The following FRMD3 variants were observed in gnomAD, a reference collection of about 807,000 sequenced individuals.
FRMD3 encodes FERM domain containing 3, also known as FERM domain-containing protein 3.
Under a neutral mutation model 70.2 loss-of-function variants are expected in FRMD3, and 33 were observed. That is an observed-to-expected ratio of 0.47 (90% confidence interval 0.36 to 0.63). The LOEUF is 0.63. Among genes scored for constraint, FRMD3 ranks in the 20% least tolerant of loss-of-function variants. FRMD3 has a pLI of 0.00. For missense variants in FRMD3, 632 were observed against 711.4 expected, an observed-to-expected ratio of 0.89 and a Z score of 1.27; for synonymous variants, 279 against 255.9, an observed-to-expected ratio of 1.09 and a Z score of -0.86.
At chr9:83,519,897 A>G (rs1829533628) in intron 1 of FRMD3, among the ~76,000 whole-genome samples, 1 of 152,218 alleles carries the variant, frequency 6.6e-6, no homozygotes, top group South Asian at 2.1e-4. Flanking sequence ...ACACGAACAG[A>G]AAACCAAACA....
At chr9:83,403,254 T>C (rs3933281) in intron 1 of FRMD3, among the ~76,000 whole-genome samples, 135,438 of 152,104 alleles carry the variant, frequency 0.89, 60,502 homozygotes, top group East Asian at 1. Context: ...GCCAAACCCA[T>C]AAGGCACTAT....
intron 1 of FRMD3, among the ~76,000 whole-genome samples, chr9:83,391,999 T>C (rs1825678208): frequency 6.6e-6 from 1 of 152,094 alleles, no homozygotes; most frequent in African/African-American, 2.4e-5. Context: ...ACATTGAAGT[T>C]TGAGAAGCAT....
chr9:83,575,516 T>C, the FRMD3 span, among the ~76,000 whole-genome samples: 13 of 152,268 alleles, frequency 8.5e-5, no homozygotes, highest in South Asian at 2.1e-3. Context: ...GAAGCCCAGC[T>C]CACTCCTTAT....
intron 13 of FRMD3, among the ~76,000 whole-genome samples, chr9:83,270,724 G>T (rs980874961): frequency 6.6e-6 from 1 of 152,138 alleles, no homozygotes; most frequent in Non-Finnish European, 1.5e-5. Flanking sequence ...AAAGCAGTGT[G>T]TACCTCCAAG....
At chr9:83,377,411 G>A (rs1825183536) in intron 2 of FRMD3, among the ~76,000 whole-genome samples, 1 of 152,118 alleles carries the variant, frequency 6.6e-6, no homozygotes, top group South Asian at 2.1e-4. Context: ...TTTTTTACAT[G>A]TACTGGTGCA....
rs1055287606 is a variant in FRMD3, at chr9:83,490,290, A to T, written c.147+47795T>A. On this transcript the variant is annotated intron_variant, in intron 1 of 13. Transcript: ENST00000304195. ...TTGTAGTCCTACATTCTTTCTTTTT[A>T]AAAATTTTTTATTTTTGGGGACAGA... 1.2e-4 allele frequency among the ~76,000 whole-genome samples: 19 copies of T among 152,184 alleles called. No homozygotes were observed. The East Asian group carries it at 3.3e-3, about 26-fold the overall frequency.
At chr9:83,453,711 ATTTTTTT>A (rs59376142) in intron 1 of FRMD3, among the ~76,000 whole-genome samples, 2 of 115,096 alleles carry the variant, frequency 1.7e-5, no homozygotes, top group Non-Finnish European at 3.4e-5. Flanking sequence ...GTTTGTTTTA[ATTTTTTT>A]TTTTTTTTTT....
At chr9:83,279,206 T>C (rs1465878423) in intron 13 of FRMD3, 2 of 152,222 alleles carry the variant, frequency 1.3e-5, no homozygotes, top group Non-Finnish European at 2.9e-5. Flanking sequence ...TATGAGGATT[T>C]TGAAAGTTCC....
At chr9:83,477,218 C>T (rs12343646) in intron 1 of FRMD3, among the ~76,000 whole-genome samples, 106,791 of 152,034 alleles carry the variant, frequency 0.7, 38,011 homozygotes, top group African/African-American at 0.81. Flanking sequence ...AAGCACCGGC[C>T]CAGTGTAGGA....
At chr9:83,368,117 C>A (rs1824848205) in intron 3 of FRMD3, among the ~76,000 whole-genome samples, 1 of 152,102 alleles carries the variant, frequency 6.6e-6, no homozygotes, top group African/African-American at 2.4e-5. Flanking sequence ...ACTATACTGG[C>A]ATGAAACAGA....
intron 1 of FRMD3, among the ~76,000 whole-genome samples, chr9:83,426,495 C>G (rs184689208): frequency 9.2e-5 from 14 of 152,222 alleles, no homozygotes; most frequent in Admixed American, 4.6e-4. Context: ...AGGTGATGCA[C>G]GCTCTGTGTC....
intron 1 of FRMD3, among the ~76,000 whole-genome samples, chr9:83,509,785 GC>G (rs1417514610): frequency 6.7e-6 from 1 of 149,864 alleles, no homozygotes; most frequent in Non-Finnish European, 1.5e-5. Context: ...GCACACGCGC[GC>G]GCACACACAC....
chr9:83,553,282 G>T, the FRMD3 span, among the ~76,000 whole-genome samples: 1 of 152,134 alleles, frequency 6.6e-6, no homozygotes, highest in Non-Finnish European at 1.5e-5. Flanking sequence ...TTTTCTTTAA[G>T]AATGTTGAAT....
chr9:83,363,615 G>A (rs892599518), intron 3 of FRMD3, among the ~76,000 whole-genome samples: 1 of 147,960 alleles, frequency 6.8e-6, no homozygotes, highest in Non-Finnish European at 1.5e-5. Flanking sequence ...GTGCAGTGGC[G>A]CGATCTTGGC....
At chr9:83,376,766 T>C (rs1173475536) in intron 2 of FRMD3, among the ~76,000 whole-genome samples, 1 of 152,064 alleles carries the variant, frequency 6.6e-6, no homozygotes, top group Non-Finnish European at 1.5e-5. Context: ...TGATATTATA[T>C]GTATATATGG....
intron 1 of FRMD3, among the ~76,000 whole-genome samples, chr9:83,407,381 T>C (rs751217564): frequency 2.6e-5 from 4 of 152,320 alleles, no homozygotes; most frequent in Admixed American, 2.0e-4. Context: ...AATGGTGGAA[T>C]TGCATACTAC....
chr9:83,542,602 T>G (rs1473652637), upstream of FRMD3, among the ~76,000 whole-genome samples: 1 of 152,188 alleles, frequency 6.6e-6, no homozygotes, highest in Non-Finnish European at 1.5e-5. Context: ...TCAGCAAACT[T>G]TTTTTAAAGT....
chr9:83,352,107 A>C (rs1162840859), intron 3 of FRMD3, among the ~76,000 whole-genome samples: 3 of 152,066 alleles, frequency 2.0e-5, no homozygotes, highest in Non-Finnish European at 2.9e-5. Flanking sequence ...TTCCCTTTTA[A>C]TTGTCATTTA....
At chr9:83,327,205 T>C (rs559254772) in intron 6 of FRMD3, among the ~76,000 whole-genome samples, 1 of 152,314 alleles carries the variant, frequency 6.6e-6, no homozygotes, top group Admixed American at 6.5e-5. Context: ...ACCAACATAA[T>C]GGTCTTCTAC....
Sources: gnomAD v4.1 joint callset for allele counts (sites outside exome capture counted in the v4.1 genomes callset) on GRCh38, gnomAD v4.1.1 for gene constraint, MANE v1.5 for transcripts, NCBI Gene and HGNC (gene_info 2026-07-23, HGNC 2026-07-21) for gene names.